PAX5: variants seen among roughly 807,000 people sequenced by gnomAD.
PAX5 encodes paired box protein Pax-5.
In PAX5, 9 loss-of-function variants were observed where a neutral mutation model predicts 43.7. The observed-to-expected ratio is 0.21, with a 90% confidence interval of 0.12 to 0.36. The LOEUF is 0.36. Among genes scored for constraint, PAX5 ranks in the 10% least tolerant of loss-of-function variants. The pLI, the probability that PAX5 is intolerant of heterozygous loss-of-function variation, is 1.00. For synonymous variants in PAX5, 228 were observed against 214.3 expected (o/e 1.06, Z -0.56); for missense variants, 383 against 532.7 (o/e 0.72, Z 2.77).
At chr9:37,031,917 G>A (rs991781010) in intron 1 of PAX5, among the ~76,000 whole-genome samples, 2 of 152,252 alleles carry the variant, frequency 1.3e-5, no homozygotes, top group African/African-American at 4.8e-5. Context: ...GAAGTTGGGA[G>A]AAGGAAGAAG....
intron 7 of PAX5, among the ~76,000 whole-genome samples, chr9:36,910,312 C>T (rs923707243): frequency 6.6e-6 from 1 of 152,160 alleles, no homozygotes; most frequent in Non-Finnish European, 1.5e-5. Context: ...GCTGTATACA[C>T]TATTCTTTAC....
chr9:36,874,201 C>T (rs774493229), intron 8 of PAX5, among the ~76,000 whole-genome samples: 14 of 152,210 alleles, frequency 9.2e-5, no homozygotes, highest in Non-Finnish European at 1.6e-4. Context: ...AAGGCAGGCT[C>T]CGAGAAGTCA....
At position 36,890,124 on chromosome 9, in the gene PAX5, C is replaced by T. The variant is rs538610815; in HGVS notation, c.911-8019G>A. ...CTTCAAACCCTTGCAGAATTCATTA[C>T]CCTGACAGTGTGAAAACCCTTCACT... On this transcript the variant is annotated intron_variant, in intron 7 of 9. Transcript: ENST00000358127. Among the ~76,000 whole-genome samples the T allele has an allele frequency of 1.8e-4, 27 of 152,292 alleles. No individual in the cohort carries two copies. In the South Asian group the frequency reaches 5.2e-3, roughly 29 times the overall value.
intron 8 of PAX5, among the ~76,000 whole-genome samples, chr9:36,880,316 G>A (rs1826294357): frequency 1.3e-5 from 2 of 152,240 alleles, no homozygotes; most frequent in Non-Finnish European, 2.9e-5. Context: ...TCGACAGAGA[G>A]CCGGGCCTCA....
In PAX5 at chr9:36,834,101, G is replaced by A. The variant is rs1187726147; in HGVS notation, c.*6459C>T. Reference sequence around the variant, plus strand: ...AGGCCACTAGAGGGTGAAAAACCAGGGCAGCGTCTTCCAGCAGGAGTCAGG... The same window carrying A: ...AGGCCACTAGAGGGTGAAAAACCAGAGCAGCGTCTTCCAGCAGGAGTCAGG... On this transcript the variant is annotated 3_prime_UTR_variant, in exon 10 of 10. Transcript: ENST00000358127. 4.3e-6 allele frequency: 1 copy of A among 233,116 alleles called. No homozygotes were observed. The highest frequency in any genetic ancestry group is 8.5e-6 in the Non-Finnish European group (1 of 118,026). 14.4% of individuals were successfully genotyped at this position (233,116 alleles called of 1,614,324 possible). A position where few individuals can be genotyped will look rare whatever the true frequency, so the allele number is the denominator to read the frequency against.
intron 1 of PAX5, chr9:37,026,570 T>C (rs2132537655): frequency 7.5e-7 from 1 of 1,341,786 alleles, no homozygotes; most frequent in East Asian, 3.8e-5. Flanking sequence ...TACAGTGTAT[T>C]TCCATCGGGG....
Position 36,988,205 on chromosome 9 carries a change from G to C in PAX5, c.604+14443C>G, listed in dbSNP as rs114616999. On this transcript the variant is annotated intron_variant, in intron 5 of 9. Coordinates refer to ENST00000358127, the MANE Select transcript of PAX5 (RefSeq NM_016734.3). ...GAAACCCAGGCTTCTCCAGTGTCGT[G>C]TCAGGCTCACCTTACTTCTGACAGC... 3.2e-3 allele frequency among the ~76,000 whole-genome samples: 481 copies of C among 152,262 alleles called. 2 individuals carry two copies. The highest frequency in any genetic ancestry group is 0.011 in the African/African-American group (469 of 41,550).
At chr9:36,925,741 T>C (rs958185701) in intron 6 of PAX5, among the ~76,000 whole-genome samples, 2 of 152,218 alleles carry the variant, frequency 1.3e-5, no homozygotes, top group African/African-American at 2.4e-5. Flanking sequence ...GGAACAAGTC[T>C]GCCCTTCATG....
intron 5 of PAX5, among the ~76,000 whole-genome samples, chr9:36,992,051 T>G (rs1471265068): frequency 6.6e-6 from 1 of 152,142 alleles, no homozygotes; most frequent in Non-Finnish European, 1.5e-5. Context: ...TGTTAATTTG[T>G]ACTAATAAAA....
intron 6 of PAX5, among the ~76,000 whole-genome samples, chr9:36,960,156 C>T (rs759425941): frequency 2.0e-5 from 3 of 152,120 alleles, no homozygotes; most frequent in South Asian, 4.1e-4. Flanking sequence ...CTCCTGGGCC[C>T]GGACAGGGTA....
chr9:36,898,490 T>C (rs1190706257), intron 7 of PAX5, among the ~76,000 whole-genome samples: 1 of 152,048 alleles, frequency 6.6e-6, no homozygotes, highest in Non-Finnish European at 1.5e-5. Flanking sequence ...ACCCCTCCCA[T>C]CACAGGCTCC....
Position 36,836,074 on chromosome 9 carries a change from C to A in PAX5, c.*4486G>T. Reference sequence around the variant, plus strand: ...TGGCTGGAGCCACTGGCTGCCAAGGCTGGGCAGTCGTTCTGGAGCGTGACT... The same window carrying A: ...TGGCTGGAGCCACTGGCTGCCAAGGATGGGCAGTCGTTCTGGAGCGTGACT... On this transcript the variant is annotated 3_prime_UTR_variant, in exon 10 of 10. Transcript: ENST00000358127. The A allele has an allele frequency of 4.3e-6, 1 of 233,570 alleles. No homozygotes were observed. The highest frequency in any genetic ancestry group is 8.5e-6 in the Non-Finnish European group (1 of 118,286). The allele number at this position is 233,570 out of a possible 1,614,324, so 14.5% of individuals were successfully genotyped here. A position where few individuals can be genotyped will look rare whatever the true frequency, so the allele number is the denominator to read the frequency against.
chr9:36,911,776 G>A (rs572382010), intron 7 of PAX5, among the ~76,000 whole-genome samples: 46 of 152,356 alleles, frequency 3.0e-4, no homozygotes, highest in African/African-American at 1.0e-3. Flanking sequence ...CACCCCGCCA[G>A]AGGGGATTGT....
At chr9:36,905,521 A>T (rs1485598717) in intron 7 of PAX5, among the ~76,000 whole-genome samples, 1 of 152,140 alleles carries the variant, frequency 6.6e-6, no homozygotes, top group Non-Finnish European at 1.5e-5. Flanking sequence ...GACTGCCGCC[A>T]CCTCTGGGCA....
chr9:37,029,587 T>C (rs1840767235), intron 1 of PAX5, among the ~76,000 whole-genome samples: 1 of 152,346 alleles, frequency 6.6e-6, no homozygotes, highest in African/African-American at 2.4e-5. Context: ...TGGAATAGAC[T>C]TCCTGCACTG....
At chr9:36,925,323 G>A (rs1415423526) in intron 6 of PAX5, among the ~76,000 whole-genome samples, 1 of 152,170 alleles carries the variant, frequency 6.6e-6, no homozygotes, top group African/African-American at 2.4e-5. Context: ...ATGTGGAGAA[G>A]AGCACAGGCC....
intron 7 of PAX5, among the ~76,000 whole-genome samples, chr9:36,890,888 C>T (rs1476627518): frequency 1.3e-5 from 2 of 152,288 alleles, no homozygotes; most frequent in African/African-American, 2.4e-5. Flanking sequence ...CTTGTAATCC[C>T]AGAACTTTGG....
intron 2 of PAX5, among the ~76,000 whole-genome samples, chr9:37,020,329 C>T (rs767742088): frequency 2.0e-5 from 3 of 152,126 alleles, no homozygotes; most frequent in Admixed American, 6.5e-5. Flanking sequence ...GGGACCCAGG[C>T]TCACCTAGGA....
chr9:37,013,442 C>G (rs1355029716), intron 3 of PAX5, among the ~76,000 whole-genome samples: 1 of 152,170 alleles, frequency 6.6e-6, no homozygotes, highest in Non-Finnish European at 1.5e-5. Context: ...CGTTGGGAAA[C>G]CTGTGGGTCC....
Sources: gnomAD v4.1 joint callset for allele counts (sites outside exome capture counted in the v4.1 genomes callset) on GRCh38, gnomAD v4.1.1 for gene constraint, MANE v1.5 for transcripts, NCBI Gene and HGNC (gene_info 2026-07-23, HGNC 2026-07-21) for gene names.